Variants in PKHD1L1 observed in about 807,000 individuals in gnomAD.
The protein encoded by PKHD1L1 is PKHD1 like 1.
A neutral mutation model predicts 462.9 loss-of-function variants in PKHD1L1; 434 were observed. The ratio of observed to expected loss-of-function variants is 0.94; its 90% CI spans 0.87 to 1.02. PKHD1L1 has a LOEUF of 1.02. Among genes scored for constraint, PKHD1L1 ranks in the 50% least tolerant of loss-of-function variants. The pLI is 0.00. For missense variants in PKHD1L1, 5,202 were observed against 5,096.1 expected (o/e 1.02, Z -0.63); for synonymous variants, 1,781 against 1,750.0 (o/e 1.02, Z -0.44).
chr8:109,373,755 A>G (rs7831771), intron 2 of PKHD1L1, among the ~76,000 whole-genome samples: 46,104 of 151,894 alleles, frequency 0.3, 7,628 homozygotes, highest in Admixed American at 0.44. Flanking sequence ...CCTTCATTTT[A>G]TTATGTCCCC....
chr8:109,535,168 A>G lies in PKHD1L1; in HGVS notation c.*5078A>G, dbSNP rs1159510557. 2.0e-5 allele frequency among the ~76,000 whole-genome samples: 3 copies of G among 152,116 alleles called. No individual in the cohort carries two copies. Among genetic ancestry groups the G allele is most frequent in the Non-Finnish European group, 2.9e-5 (2 of 68,006 alleles). ...ACACCCAGTTATAGACTGAGTAATT[A>G]TAGTTGCTATGGTAATGGGCTCTGT... On this transcript the variant is annotated 3_prime_UTR_variant, in exon 78 of 78. Coordinates refer to ENST00000378402, the MANE Select transcript of PKHD1L1 (RefSeq NM_177531.6).
chr8:109,463,102 C>T (rs1817229955), intron 48 of PKHD1L1, among the ~76,000 whole-genome samples: 1 of 152,128 alleles, frequency 6.6e-6, no homozygotes, highest in African/African-American at 2.4e-5. Context: ...TTATGGTTCT[C>T]TGCTGATTCC....
intron 41 of PKHD1L1, 98 bp downstream of exon 41, chr8:109,451,247 T>G: frequency 1.6e-6 from 2 of 1,286,358 alleles, no homozygotes; most frequent in East Asian, 2.6e-5. Context: ...AATACAGTCA[T>G]GCAATGTGTA....
intron 51 of PKHD1L1, 146 bp downstream of exon 51, chr8:109,475,415 A>G (rs1437014175): frequency 1.4e-6 from 1 of 724,318 alleles, no homozygotes; most frequent in East Asian, 3.1e-5. Context: ...TTTGTGAGCC[A>G]CTCTGAATCT....
rs1673407 is a variant in PKHD1L1, at chr8:109,448,259, G to T, written c.5893G>T (p.Val1965Leu). ...TGTAACCATGGCCAATGATAGTGTGGTGCAGTGCATCGTGGGAGATCATGC... is the reference window on the plus strand; with the variant it reads ...TGTAACCATGGCCAATGATAGTGTGTTGCAGTGCATCGTGGGAGATCATGC... ...CNVTMANDSV[V>L]QCIVGDHAGG... The change falls in exon 39 of 78, where the codon GTG (valine) becomes TTG (leucine). Residue 1965 changes from valine to leucine, a missense_variant. Around this residue, in one of 3 missense-constraint regions of PKHD1L1, gnomAD observed 4,497 missense variants for 4,336.8 expected, o/e 1.04. Transcript: ENST00000378402. 892,340 of 1,612,670 alleles carry T rather than the reference G, an allele frequency of 0.55. 250,833 individuals carry two copies. Among genetic ancestry groups the T allele is most frequent in the African/African-American group, 0.73 (54,825 of 74,826 alleles).
intron 77 of PKHD1L1, among the ~76,000 whole-genome samples, chr8:109,527,702 T>A (rs1467939755): frequency 6.6e-6 from 1 of 152,180 alleles, no homozygotes; most frequent in African/African-American, 2.4e-5. Flanking sequence ...TGATATCTTC[T>A]AGAACCTCTG....
chr8:109,512,803 T>C (rs1820063578), intron 71 of PKHD1L1, among the ~76,000 whole-genome samples: 1 of 151,454 alleles, frequency 6.6e-6, no homozygotes, highest in Admixed American at 6.6e-5. Flanking sequence ...GCCATTTTCA[T>C]GATATTGATT....
In PKHD1L1 at chr8:109,364,591, T is replaced by C; in HGVS notation, c.118T>C (p.Tyr40His). 1 of 1,603,886 alleles carries C rather than the reference T, an allele frequency of 6.2e-7. No homozygotes were observed. The highest frequency in any genetic ancestry group is 8.5e-7 in the Non-Finnish European group (1 of 1,173,744). The change falls in exon 2 of 78, where the codon TAT (tyrosine) becomes CAT (histidine). Residue 40 changes from tyrosine to histidine, a missense_variant. By Grantham distance (83) the Tyr-to-His change is moderately conservative. This residue lies in a region of PKHD1L1 where 4,497 missense variants were observed against 4,336.8 expected (regional missense o/e 1.04). Coordinates refer to ENST00000378402, the MANE Select transcript of PKHD1L1 (RefSeq NM_177531.6). Reference protein sequence around the residue: ...IPKVTEIIPKYGSINGATRLT... With the variant: ...IPKVTEIIPKHGSINGATRLT... ...CAAAGTCACAGAAATAATACCTAAA[T>C]ATGGCAGTATAAATGGAGCAACAAG...
chr8:109,388,670 T>C, intron 7 of PKHD1L1, 120 bp downstream of exon 7: 2 of 723,684 alleles, frequency 2.8e-6, no homozygotes, highest in East Asian at 2.8e-5. Flanking sequence ...GTATAAATTA[T>C]AATATTCCAC....
chr8:109,508,324 T>C (rs1819804042), intron 70 of PKHD1L1, 60 bp downstream of exon 70: 4 of 1,467,108 alleles, frequency 2.7e-6, no homozygotes, highest in Non-Finnish European at 1.8e-6. Context: ...ATTAAATGCA[T>C]GAAGCCATCT....
chr8:109,448,856 T>G (rs1462952334), intron 39 of PKHD1L1, among the ~76,000 whole-genome samples: 2 of 152,142 alleles, frequency 1.3e-5, no homozygotes, highest in Admixed American at 1.3e-4. Flanking sequence ...ATTAATTTAC[T>G]TAAAACTTAA....
rs78665532 is a variant in PKHD1L1, at chr8:109,528,232, A to G, written c.12721+1212A>G. Among the ~76,000 whole-genome samples the G allele has an allele frequency of 8.6e-3, 1,312 of 152,306 alleles. 15 individuals are homozygous for G. Among genetic ancestry groups the G allele is most frequent in the African/African-American group, 0.03 (1,231 of 41,560 alleles). Reference sequence around the variant, plus strand: ...GGGACATGATAGGAGCAAGGAAAAAATGGCAGTGGAATAAAACATCTTCAG... The same window carrying G: ...GGGACATGATAGGAGCAAGGAAAAAGTGGCAGTGGAATAAAACATCTTCAG... On this transcript the variant is annotated intron_variant, in intron 77 of 77. Transcript: ENST00000378402.
Position 109,405,117 on chromosome 8 carries a change from T to C in PKHD1L1, c.1656T>C (p.Asn552=). The C allele has an allele frequency of 6.8e-7, 1 of 1,478,116 alleles. No homozygotes were observed. The highest frequency in any genetic ancestry group is 9.2e-7 in the Non-Finnish European group (1 of 1,083,030). The allele number at this position is 1,478,116 out of a possible 1,614,324, so 91.6% of individuals were successfully genotyped here. The part of the protein sequence containing the change: ...CSLYQYRLIY[N]MEKTVFLPAD... ...TTTACCAATATAGATTAATCTATAA[T>C]ATGGAAAAAACTGGTAAGTTATAAA... Residue 552 remains asparagine (N), a synonymous_variant, in exon 16 of 78, where the codon AAT becomes AAC. Transcript: ENST00000378402.
Position 109,443,733 on chromosome 8 carries a change from C to T in PKHD1L1, c.4622C>T (p.Pro1541Leu), listed in dbSNP as rs1331229511. 1 of 1,613,660 alleles carries T rather than the reference C, an allele frequency of 6.2e-7. No homozygotes were observed. The highest frequency in any genetic ancestry group is 2.2e-5 in the East Asian group (1 of 44,866). Residue 1541 changes from proline to leucine, a missense_variant, in exon 37 of 78, where the codon CCC becomes CTC. By Grantham distance (98) the Pro-to-Leu change is moderately conservative. This residue lies in a region of PKHD1L1 where 4,497 missense variants were observed against 4,336.8 expected (regional missense o/e 1.04). Coordinates refer to ENST00000378402, the MANE Select transcript of PKHD1L1 (RefSeq NM_177531.6). The stretch of plus-strand genomic sequence containing the variant: ...GTGGCAGGCTGCCTAGCAACAGAAC[C>T]CCTGTGCAGCCTGAACAATACCAGG... ...SSVAGCLATE[P>L]LCSLNNTRVK...
chr8:109,513,893 C>T (rs1820131239), intron 71 of PKHD1L1, among the ~76,000 whole-genome samples: 1 of 152,162 alleles, frequency 6.6e-6, no homozygotes, highest in Non-Finnish European at 1.5e-5. Flanking sequence ...ATTCCTCTTT[C>T]TACTTCCACC....
At chr8:109,471,609 T>G (rs1366466959) in intron 50 of PKHD1L1, among the ~76,000 whole-genome samples, 1 of 152,212 alleles carries the variant, frequency 6.6e-6, no homozygotes, top group Non-Finnish European at 1.5e-5. Context: ...ATGTGTTATC[T>G]ACCTCACGGT....
At chr8:109,506,142 G>A (rs1046964132) in intron 68 of PKHD1L1, among the ~76,000 whole-genome samples, 4 of 152,020 alleles carry the variant, frequency 2.6e-5, no homozygotes, top group Admixed American at 6.6e-5. Context: ...AAAATACCAC[G>A]TTTTCAAATA....
chr8:109,452,409 C>G, intron 42 of PKHD1L1, 129 bp downstream of exon 42: 1 of 889,162 alleles, frequency 1.1e-6, no homozygotes, highest in Non-Finnish European at 1.5e-6. Context: ...CATAATAAAT[C>G]TAAAGTAGCT....
intron 2 of PKHD1L1, among the ~76,000 whole-genome samples, chr8:109,365,438 A>G (rs964021146): frequency 1.3e-5 from 2 of 152,220 alleles, no homozygotes; most frequent in African/African-American, 4.8e-5. Flanking sequence ...GCAGAATTCA[A>G]TCTCTCAATG....
Sources: allele counts gnomAD v4.1 joint callset (sites outside exome capture counted in the v4.1 genomes callset), GRCh38; gene constraint gnomAD v4.1.1; regional missense constraint gnomAD v4.1.1; transcripts MANE v1.5; gene names NCBI Gene and HGNC (gene_info 2026-07-23, HGNC 2026-07-21).